ZNF365: variants seen among roughly 807,000 people sequenced by gnomAD.
The protein encoded by ZNF365 is zinc finger protein 365.
In ZNF365, 22 loss-of-function variants were observed where a neutral mutation model predicts 35.0. The observed-to-expected ratio is 0.63, with a 90% CI of 0.45 to 0.90. The LOEUF (loss-of-function observed/expected upper bound fraction) is 0.90. ZNF365 is among the 40% of genes least tolerant of loss of function. The pLI, the probability that ZNF365 is intolerant of heterozygous loss-of-function variation, is 0.00. For synonymous variants in ZNF365, 188 were observed against 196.2 expected (o/e 0.96, Z 0.35); for missense variants, 448 against 500.3 (o/e 0.90, Z 1.00).
chr10:62,405,149 C>A (rs1839886813), downstream of ZNF365, among the ~76,000 whole-genome samples: 1 of 152,170 alleles, frequency 6.6e-6, no homozygotes, highest in Admixed American at 6.5e-5. Context: ...CTCCTGAATG[C>A]AAGCCAGGAA....
In ZNF365 at chr10:62,401,401, G is replaced by A; in HGVS notation, c.*1612G>A. 1.0e-6 allele frequency: 1 copy of A among 985,502 alleles called. No individual in the cohort carries two copies. Among genetic ancestry groups the A allele is most frequent in the Non-Finnish European group, 1.2e-6 (1 of 829,910 alleles). 61.0% of individuals were successfully genotyped at this position (985,502 alleles called of 1,614,324 possible). A position where few individuals can be genotyped will look rare whatever the true frequency, so the allele number is the denominator to read the frequency against. On this transcript the variant is annotated 3_prime_UTR_variant, in exon 5 of 5. Coordinates refer to ENST00000395254, the MANE Select transcript of ZNF365 (RefSeq NM_014951.3). ...CAGTTGCTTAAAATGCCAGTCAATT[G>A]AAAAGTGTAACTTATCATTATACAA...
intron 4 of ZNF365, among the ~76,000 whole-genome samples, chr10:62,467,569 A>G (rs764369123): frequency 1.3e-5 from 2 of 152,246 alleles, no homozygotes; most frequent in Non-Finnish European, 2.9e-5. Context: ...CATTTGTTCA[A>G]GAGTGTACAG....
intron 3 of ZNF365, among the ~76,000 whole-genome samples, chr10:62,411,096 T>C (rs1839978140): frequency 6.6e-6 from 1 of 152,204 alleles, no homozygotes; most frequent in Admixed American, 6.5e-5. Context: ...TGTCTGTTCA[T>C]GCCCTTTGCC....
chr10:62,428,029 C>T (rs1840276272), intron 3 of ZNF365, among the ~76,000 whole-genome samples: 1 of 152,168 alleles, frequency 6.6e-6, no homozygotes, highest in Non-Finnish European at 1.5e-5. Context: ...GCCTCAACCG[C>T]AGGTTTAGTT....
At chr10:62,404,892 A>G (rs750592578), downstream of ZNF365, among the ~76,000 whole-genome samples, 4 of 152,188 alleles carry the variant, frequency 2.6e-5, no homozygotes, top group Non-Finnish European at 5.9e-5. Context: ...AAGTTTGTAA[A>G]TTTTGTAAAG....
intron 4 of ZNF365, among the ~76,000 whole-genome samples, chr10:62,468,794 A>T (rs1463214641): frequency 6.6e-6 from 1 of 152,226 alleles, no homozygotes; most frequent in Non-Finnish European, 1.5e-5. Flanking sequence ...AACACCATAG[A>T]CATCTCAGTT....
rs1019260227 is a variant in ZNF365, at chr10:62,379,706, C to A, written c.743+2770C>A. Among the ~76,000 whole-genome samples, 2 of 152,172 alleles carry A rather than the reference C, an allele frequency of 1.3e-5. 1 individual carries two copies. The highest frequency in any genetic ancestry group is 2.9e-5 in the Non-Finnish European group (2 of 68,038). ...CTGCCCACCTGTCACACTGTTAATA[C>A]TGGGTTGATTTGACTGCATCTGCCT... On this transcript the variant is annotated intron_variant, in intron 2 of 4. Coordinates refer to ENST00000395254, the MANE Select transcript of ZNF365 (RefSeq NM_014951.3).
downstream of ZNF365, among the ~76,000 whole-genome samples, chr10:62,403,578 A>G (rs1193097215): frequency 1.3e-5 from 2 of 152,224 alleles, no homozygotes; most frequent in Admixed American, 6.5e-5. Flanking sequence ...GAATGGCGTG[A>G]ACCCGGGAAG....
At chr10:62,379,824 G>A (rs1839405521) in intron 2 of ZNF365, among the ~76,000 whole-genome samples, 1 of 152,160 alleles carries the variant, frequency 6.6e-6, no homozygotes, top group African/African-American at 2.4e-5. Flanking sequence ...AGGGAAGACC[G>A]TATTTTGCCA....
chr10:62,467,318 T>C (rs1161228907), intron 4 of ZNF365, among the ~76,000 whole-genome samples: 1 of 152,234 alleles, frequency 6.6e-6, no homozygotes, highest in Non-Finnish European at 1.5e-5. Context: ...ACCCTTGATC[T>C]TTGACAGTTT....
intron 3 of ZNF365, among the ~76,000 whole-genome samples, chr10:62,432,178 A>G (rs1207617373): frequency 2.0e-5 from 3 of 152,210 alleles, no homozygotes; most frequent in African/African-American, 7.2e-5. Flanking sequence ...TGGCCCTGTG[A>G]ACATGGGCTC....
intron 2 of ZNF365, 71 bp downstream of exon 2, chr10:62,377,007 G>T: frequency 6.6e-7 from 1 of 1,522,326 alleles, no homozygotes; most frequent in Non-Finnish European, 8.8e-7. Flanking sequence ...ACAAGCAAAT[G>T]CTAAGCAAGG....
intron 4 of ZNF365, among the ~76,000 whole-genome samples, chr10:62,462,404 G>T (rs374373897): frequency 6.6e-6 from 1 of 152,196 alleles, no homozygotes; most frequent in Admixed American, 6.5e-5. Flanking sequence ...GCCAGGAACC[G>T]CTCCATAAGT....
chr10:62,390,437 C>A (rs1413670876), intron 3 of ZNF365, among the ~76,000 whole-genome samples: 1 of 152,222 alleles, frequency 6.6e-6, no homozygotes, highest in African/African-American at 2.4e-5. Flanking sequence ...CCCATTCATT[C>A]TCTCTTTTAA....
At chr10:62,397,184 A>C (rs752351568) in intron 3 of ZNF365, among the ~76,000 whole-genome samples, 2 of 152,210 alleles carry the variant, frequency 1.3e-5, no homozygotes, top group South Asian at 4.1e-4. Context: ...CCTAGCCTGC[A>C]TGAGCAGGCT....
intron 3 of ZNF365, among the ~76,000 whole-genome samples, chr10:62,453,306 G>A (rs979116249): frequency 1.8e-4 from 28 of 151,928 alleles, no homozygotes; most frequent in African/African-American, 2.7e-4. Context: ...CTTATGAGTC[G>A]CCAGTGCCTA....
In ZNF365 at chr10:62,401,228, G is replaced by T; in HGVS notation, c.*1439G>T. 2.0e-6 allele frequency: 2 copies of T among 985,016 alleles called. No individual in the cohort carries two copies. Among genetic ancestry groups the T allele is most frequent in the Non-Finnish European group, 2.4e-6 (2 of 829,576 alleles). 61.0% of individuals were successfully genotyped at this position (985,016 alleles called of 1,614,324 possible). A position where few individuals can be genotyped will look rare whatever the true frequency, so the allele number is the denominator to read the frequency against. On this transcript the variant is annotated 3_prime_UTR_variant, in exon 5 of 5. Transcript: ENST00000395254. ...TGGAGAAAGTGTGTGTTTGTGGTGG[G>T]TGGTTTTTAAACTATATATGTTTGT...
intron 3 of ZNF365, among the ~76,000 whole-genome samples, chr10:62,391,712 G>T (rs1347971718): frequency 6.6e-6 from 1 of 152,236 alleles, no homozygotes; most frequent in Non-Finnish European, 1.5e-5. Flanking sequence ...CTGTAAATGT[G>T]TATGCAATTA....
chr10:62,425,790 G>T (rs1230292910), intron 3 of ZNF365, among the ~76,000 whole-genome samples: 1 of 152,036 alleles, frequency 6.6e-6, no homozygotes, highest in Non-Finnish European at 1.5e-5. Flanking sequence ...TATTTATCTG[G>T]TTATTGTTCA....
Sources: gnomAD v4.1 joint callset for allele counts (sites outside exome capture counted in the v4.1 genomes callset) on GRCh38, gnomAD v4.1.1 for gene constraint, MANE v1.5 for transcripts, NCBI Gene and HGNC (gene_info 2026-07-23, HGNC 2026-07-21) for gene names.